Variants in WWOX observed in about 807,000 individuals in gnomAD.
The protein encoded by WWOX is WW domain containing oxidoreductase.
In WWOX, 69 loss-of-function variants were observed where a neutral mutation model predicts 46.2. The ratio of observed to expected loss-of-function variants is 1.49; its 90% CI spans 1.23 to 1.82. The LOEUF is 1.82. WWOX is among the 40% of genes most tolerant of loss of function. The pLI is 0.00. For missense variants in WWOX, 919 were observed against 542.6 expected (o/e 1.69, Z -6.89); for synonymous variants, 359 against 202.6 (o/e 1.77, Z -6.56).
In WWOX at chr16:78,514,936, C is replaced by G. The variant is rs148173282; in HGVS notation, c.1056+82184C>G. 2.0e-5 allele frequency among the ~76,000 whole-genome samples: 3 copies of G among 152,164 alleles called. No individual in the cohort carries two copies. The East Asian group carries it at 5.8e-4, about 29-fold the overall frequency. ...TGGCCATGGTCTGTGTTTTGAGAAT[C>G]ACAGGCGTTTTTGAGGCTCATGGCT... On this transcript the variant is annotated intron_variant, in intron 8 of 8. Coordinates refer to ENST00000566780, the MANE Select transcript of WWOX (RefSeq NM_016373.4).
At chr16:79,175,092 C>T (rs1045890701) in intron 8 of WWOX, among the ~76,000 whole-genome samples, 14 of 152,176 alleles carry the variant, frequency 9.2e-5, no homozygotes, top group Non-Finnish European at 1.0e-4. Flanking sequence ...CAGATCACTT[C>T]TCTAGTGTTT....
intron 6 of WWOX, among the ~76,000 whole-genome samples, chr16:78,422,611 G>A (rs1293030170): frequency 7.3e-6 from 1 of 137,224 alleles, no homozygotes; most frequent in Non-Finnish European, 1.6e-5. Context: ...CTCCCAAAGT[G>A]CTGGAATTTC....
intron 5 of WWOX, among the ~76,000 whole-genome samples, chr16:78,170,055 AC>A (rs2035104619): frequency 6.6e-6 from 1 of 152,094 alleles, no homozygotes. Context: ...TATTTGACTC[AC>A]CCCTGACTTC....
chr16:78,252,436 A>G (rs2038008857), intron 5 of WWOX, among the ~76,000 whole-genome samples: 2 of 152,246 alleles, frequency 1.3e-5, no homozygotes, highest in Non-Finnish European at 1.5e-5. Flanking sequence ...GGGTATGTAT[A>G]TACATACAGA....
intron 8 of WWOX, among the ~76,000 whole-genome samples, chr16:78,773,094 C>A (rs562075471): frequency 6.6e-6 from 1 of 152,300 alleles, no homozygotes; most frequent in East Asian, 1.9e-4. Flanking sequence ...AGGTAACTTG[C>A]TCAGTGGCTA....
chr16:79,173,168 C>T (rs1455808021), intron 8 of WWOX, among the ~76,000 whole-genome samples: 3 of 152,198 alleles, frequency 2.0e-5, no homozygotes, highest in African/African-American at 7.2e-5. Flanking sequence ...GGCCTGTGTC[C>T]ATAGGCATCT....
chr16:78,275,207 C>T (rs1301990389), intron 5 of WWOX, among the ~76,000 whole-genome samples: 1 of 152,092 alleles, frequency 6.6e-6, no homozygotes, highest in Non-Finnish European at 1.5e-5. Context: ...TGTTTGCTGC[C>T]CCCACCCCCA....
intron 5 of WWOX, among the ~76,000 whole-genome samples, chr16:78,252,377 C>A (rs1381516838): frequency 6.6e-6 from 1 of 152,140 alleles, no homozygotes; most frequent in Non-Finnish European, 1.5e-5. Context: ...TTAAAATTGA[C>A]AAGTTAGCTT....
intron 8 of WWOX, among the ~76,000 whole-genome samples, chr16:78,905,694 A>G (rs144064960): frequency 1.3e-5 from 2 of 152,316 alleles, no homozygotes; most frequent in African/African-American, 2.4e-5. Context: ...GAATCCTTCC[A>G]TTAATAAAAG....
At chr16:78,886,769 A>C (rs966802801) in intron 8 of WWOX, among the ~76,000 whole-genome samples, 4 of 152,000 alleles carry the variant, frequency 2.6e-5, no homozygotes, top group Non-Finnish European at 5.9e-5. Context: ...GCACAAGGAA[A>C]GGCTATGAAA....
chr16:78,300,661 A>C (rs2080024453), intron 5 of WWOX, among the ~76,000 whole-genome samples: 1 of 152,066 alleles, frequency 6.6e-6, no homozygotes, highest in Non-Finnish European at 1.5e-5. Context: ...TTACTTTATG[A>C]TTTCAATTCA....
chr16:78,406,931 G>C (rs1336019528), intron 6 of WWOX, among the ~76,000 whole-genome samples: 1 of 152,118 alleles, frequency 6.6e-6, no homozygotes, highest in Non-Finnish European at 1.5e-5. Flanking sequence ...CGGCCGGATA[G>C]AAATAATTTT....
intron 8 of WWOX, among the ~76,000 whole-genome samples, chr16:78,436,894 G>A (rs1597084071): frequency 6.6e-6 from 1 of 152,186 alleles, no homozygotes; most frequent in East Asian, 1.9e-4. Context: ...TCTGCTATTT[G>A]AATGCAGACA....
intron 5 of WWOX, among the ~76,000 whole-genome samples, chr16:78,188,456 C>G (rs2035778250): frequency 6.7e-6 from 1 of 149,052 alleles, no homozygotes; most frequent in African/African-American, 2.5e-5. Context: ...CCACTGCACT[C>G]CAGCCTGGGT....
chr16:78,143,573 A>C (rs1238328580), intron 4 of WWOX, among the ~76,000 whole-genome samples: 1 of 152,184 alleles, frequency 6.6e-6, no homozygotes, highest in Non-Finnish European at 1.5e-5. Flanking sequence ...ATGGCCAGCA[A>C]AGCCCAAGAT....
chr16:78,738,578 A>G (rs1202888727), intron 8 of WWOX, among the ~76,000 whole-genome samples: 1 of 152,096 alleles, frequency 6.6e-6, no homozygotes, highest in African/African-American at 2.4e-5. Flanking sequence ...AGTTTGTTCA[A>G]AACAACTGCT....
intron 6 of WWOX, among the ~76,000 whole-genome samples, chr16:78,408,210 G>C (rs978664613): frequency 1.3e-5 from 2 of 152,114 alleles, no homozygotes; most frequent in Non-Finnish European, 2.9e-5. Context: ...TCTTCTGATT[G>C]ATCCCCACCT....
At chr16:79,025,847 G>A (rs2047629465) in intron 8 of WWOX, among the ~76,000 whole-genome samples, 1 of 124,400 alleles carries the variant, frequency 8.0e-6, no homozygotes, top group Admixed American at 1.1e-4. Flanking sequence ...CGCCTAGGCT[G>A]GAGTGCAACG....
chr16:78,672,516 G>A (rs181617014), intron 8 of WWOX, among the ~76,000 whole-genome samples: 79 of 152,312 alleles, frequency 5.2e-4, no homozygotes, highest in Admixed American at 1.4e-3. Flanking sequence ...TGGGTAGCCA[G>A]GTCATTAGGC....
Sources: gnomAD v4.1 joint callset for allele counts (sites outside exome capture counted in the v4.1 genomes callset) on GRCh38, gnomAD v4.1.1 for gene constraint, MANE v1.5 for transcripts, NCBI Gene and HGNC (gene_info 2026-07-23, HGNC 2026-07-21) for gene names.